MTR: variants seen among roughly 807,000 people sequenced by gnomAD.
The protein encoded by MTR is 5-methyltetrahydrofolate-homocysteine methyltransferase.
Under a neutral mutation model 154.8 loss-of-function variants are expected in MTR, and 84 were observed. The ratio of observed to expected loss-of-function variants is 0.54; its 90% CI spans 0.45 to 0.65. The LOEUF (loss-of-function observed/expected upper bound fraction) is 0.65, where lower values mean the gene tolerates loss of function less well. Ranked by LOEUF, MTR falls within the 30% of genes least tolerant of loss-of-function variation. The probability of loss-of-function intolerance (pLI) is 0.00; values close to 1 mark genes in which losing one functional copy is unlikely to be tolerated. For missense variants in MTR, 1,275 were observed against 1,570.2 expected (o/e 0.81, Z 3.18); for synonymous variants, 554 against 553.9 (o/e 1.00, Z 0.00).
intron 15 of MTR, among the ~76,000 whole-genome samples, chr1:236,840,646 G>C (rs531317494): frequency 6.6e-6 from 1 of 152,282 alleles, no homozygotes; most frequent in Non-Finnish European, 1.5e-5. Flanking sequence ...ATTATACCTG[G>C]TATTCTGTAA....
intron 22 of MTR, among the ~76,000 whole-genome samples, chr1:236,872,965 A>G (rs114924091): frequency 0.018 from 2,758 of 152,342 alleles, 30 homozygotes; most frequent in Middle Eastern, 0.054. Flanking sequence ...AGCCTGGGTG[A>G]CAGAATGAGA....
intron 20 of MTR, 151 bp downstream of exon 20, chr1:236,861,428 C>A: frequency 1.6e-6 from 2 of 1,212,152 alleles, no homozygotes; most frequent in Non-Finnish European, 1.2e-6. Flanking sequence ...GTTTAGGAGT[C>A]ATGTCTGCAA....
At chr1:236,891,007 T>G in intron 28 of MTR, 126 bp from the exon 29 acceptor site, 1 of 1,124,108 alleles carries the variant, frequency 8.9e-7, no homozygotes, top group Non-Finnish European at 1.3e-6. Context: ...CAGAAAGCAT[T>G]TGAGGAAAAT....
chr1:236,856,117 A>G (rs1664186838), intron 18 of MTR, among the ~76,000 whole-genome samples: 1 of 151,118 alleles, frequency 6.6e-6, no homozygotes, highest in Admixed American at 6.6e-5. Flanking sequence ...CCATAATCAT[A>G]TATTTTTTGC....
At chr1:236,821,453 G>A (rs560834443) in intron 8 of MTR, among the ~76,000 whole-genome samples, 15 of 152,296 alleles carry the variant, frequency 9.8e-5, no homozygotes, top group African/African-American at 3.6e-4. Context: ...CCACATCCAA[G>A]CTATAGCAAA....
intron 18 of MTR, among the ~76,000 whole-genome samples, chr1:236,857,257 T>C (rs1287504417): frequency 6.6e-6 from 1 of 152,210 alleles, no homozygotes; most frequent in Admixed American, 6.5e-5. Flanking sequence ...TGCTTTTGAT[T>C]TGCATTTCTC....
chr1:236,835,063 C>T (rs552996067), intron 13 of MTR, among the ~76,000 whole-genome samples: 2 of 152,056 alleles, frequency 1.3e-5, no homozygotes, highest in Non-Finnish European at 2.9e-5. Flanking sequence ...AGAGTTATAT[C>T]ATTTTGGATG....
rs1180972765 is a variant in MTR at position 236,900,124 on chromosome 1, A to G, written c.*2480A>G. On this transcript the variant is annotated 3_prime_UTR_variant, in exon 33 of 33. Coordinates refer to ENST00000366577, the MANE Select transcript of MTR (RefSeq NM_000254.3). ...GGAATGTGTAAGAATGTTCATAGTT[A>G]CATATTTATAATAGTTAATAACTGG... The G allele has an allele frequency of 2.6e-6, 1 of 383,838 alleles. No individual in the cohort carries two copies. The highest frequency in any genetic ancestry group is 2.1e-5 in the African/African-American group (1 of 47,576). 23.8% of individuals were successfully genotyped at this position (383,838 alleles called of 1,614,324 possible). A position where few individuals can be genotyped will look rare whatever the true frequency, so the allele number is the denominator to read the frequency against.
At chr1:236,865,421 T>C (rs1664771188) in intron 22 of MTR, among the ~76,000 whole-genome samples, 1 of 152,210 alleles carries the variant, frequency 6.6e-6, no homozygotes, top group South Asian at 2.1e-4. Context: ...TATGGAATAA[T>C]GTGTACTTTT....
chr1:236,863,960 A>G (rs961823502), intron 22 of MTR, among the ~76,000 whole-genome samples: 1 of 152,226 alleles, frequency 6.6e-6, no homozygotes, highest in South Asian at 2.1e-4. Context: ...GACCTTGGCT[A>G]AACAGTTTTA....
rs1665948134 is a variant in MTR at position 236,885,187 on chromosome 1, G to A, written c.2743G>A (p.Asp915Asn). The A allele has an allele frequency of 6.2e-7, 1 of 1,607,752 alleles. No homozygotes were observed. The highest frequency in any genetic ancestry group is 2.2e-5 in the East Asian group (1 of 44,850). The change falls in exon 26 of 33, where the codon GAT becomes AAT. Residue 915 changes from aspartate (D) to asparagine (N), a missense_variant. By Grantham distance (23) the Asp-to-Asn change is conservative. Coordinates refer to ENST00000366577, the MANE Select transcript of MTR (RefSeq NM_000254.3). Reference sequence around the variant, plus strand: ...TGAGGAAATCATGGAAGAATATGAAGATATTAGACAGGACCATTATGAGTC... The same window carrying A: ...TGAGGAAATCATGGAAGAATATGAAAATATTAGACAGGACCATTATGAGTC... ...YFEEIMEEYE[D>N]IRQDHYESLK...
Position 236,866,355 on chromosome 1 carries a change from C to T in MTR, c.2405+2801C>T, listed in dbSNP as rs906416210. 4.6e-5 allele frequency among the ~76,000 whole-genome samples: 7 copies of T among 152,224 alleles called. No homozygotes were observed. The East Asian group carries it at 1.4e-3, about 29-fold the overall frequency. ...GTTTTGGGGTACCATGAACCACACC[C>T]ATAGAAGATGGCAAACTTAATCCAT... On this transcript the variant is annotated intron_variant, in intron 22 of 32. Coordinates refer to ENST00000366577, the MANE Select transcript of MTR (RefSeq NM_000254.3).
chr1:236,801,259 T>C (rs1006704199), intron 1 of MTR, among the ~76,000 whole-genome samples: 3 of 152,246 alleles, frequency 2.0e-5, no homozygotes, highest in Non-Finnish European at 4.4e-5. Context: ...GGAAGTGTTT[T>C]ATCTCACCTG....
In MTR at chr1:236,803,501, G is replaced by A. The variant is rs1057523951; in HGVS notation, c.108G>A (p.Gly36=). Residue 36 remains glycine, a synonymous_variant, in exon 2 of 33, where the codon GGG becomes GGA. Transcript: ENST00000366577. ...AGAGGATTATGGTGCTGGATGGAGG[G>A]ATGGGGACCATGATCCAGCGGGAGA... ...LQKRIMVLDG[G]MGTMIQREKL... 3.7e-6 allele frequency: 6 copies of A among 1,614,044 alleles called. No homozygotes were observed. In the Admixed American group the frequency reaches 1.0e-4, roughly 27 times the overall value.
chr1:236,863,725 A>G (rs926835703), intron 22 of MTR, among the ~76,000 whole-genome samples, 171 bp downstream of exon 22: 5 of 152,224 alleles, frequency 3.3e-5, no homozygotes, highest in South Asian at 2.1e-4. Context: ...TGAACACAGC[A>G]TTTCAAATGA....
chr1:236,800,817 C>A (rs1013633683), intron 1 of MTR, among the ~76,000 whole-genome samples: 1 of 152,186 alleles, frequency 6.6e-6, no homozygotes, highest in Admixed American at 6.5e-5. Flanking sequence ...TTAAGAGGTC[C>A]AGTTCTTAAC....
intron 31 of MTR, among the ~76,000 whole-genome samples, chr1:236,896,178 G>A (rs1012866980): frequency 1.4e-4 from 22 of 152,176 alleles, no homozygotes; most frequent in African/African-American, 2.4e-4. Context: ...GACTTGGCTC[G>A]TGGTTCTGTG....
In MTR at chr1:236,897,653, T is replaced by C. The variant is rs774942692; in HGVS notation, c.*9T>C. 9.3e-6 allele frequency: 15 copies of C among 1,610,238 alleles called. No homozygotes were observed. The highest frequency in any genetic ancestry group is 1.7e-6 in the Non-Finnish European group (2 of 1,176,820). ...GATATGATACAGACTAACTTTTTTT[T>C]TTTTTTTGCCTTTTTTATTCTTGAT... On this transcript the variant is annotated 3_prime_UTR_variant, in exon 33 of 33. Transcript: ENST00000366577.
At chr1:236,846,479 T>A (rs1663581275) in intron 15 of MTR, among the ~76,000 whole-genome samples, 1 of 152,218 alleles carries the variant, frequency 6.6e-6, no homozygotes, top group South Asian at 2.1e-4. Flanking sequence ...TTTTTTTCAT[T>A]TTCTTGTTTT....
Sources: allele counts gnomAD v4.1 joint callset (sites outside exome capture counted in the v4.1 genomes callset), GRCh38; gene constraint gnomAD v4.1.1; transcripts MANE v1.5; gene names NCBI Gene and HGNC (gene_info 2026-07-23, HGNC 2026-07-21).